The following XKR9 variants were observed in gnomAD, a reference collection of about 807,000 sequenced individuals.
XKR9 encodes the protein XK-related protein 9.
XKR9 carries 32 observed loss-of-function variants against 32.0 expected under a neutral mutation model. That is an observed-to-expected ratio of 1.00 (90% confidence interval 0.76 to 1.34). The LOEUF is 1.34. Ranked by LOEUF, XKR9 falls within the 40% of genes most tolerant of loss-of-function variation. The pLI is 0.00. For missense variants in XKR9, 546 were observed against 429.7 expected (o/e 1.27, Z -2.39); for synonymous variants, 168 against 143.4 (o/e 1.17, Z -1.22).
chr8:70,955,838 G>A, the XKR9 span, among the ~76,000 whole-genome samples: 36 of 152,340 alleles, frequency 2.4e-4, no homozygotes, highest in African/African-American at 8.7e-4. Flanking sequence ...CTATGGCAGG[G>A]CAGGCAGCTC....
chr8:71,056,144 G>GTTA, the XKR9 span, among the ~76,000 whole-genome samples: 1 of 152,104 alleles, frequency 6.6e-6, no homozygotes, highest in Non-Finnish European at 1.5e-5. Context: ...AGCCAATTTG[G>GTTA]AAGATTTTAA....
the XKR9 span, among the ~76,000 whole-genome samples, chr8:70,871,934 A>G: frequency 6.6e-6 from 1 of 152,108 alleles, no homozygotes; most frequent in African/African-American, 2.4e-5. Context: ...TTCCAAGATA[A>G]ATTTACAACT....
the XKR9 span, among the ~76,000 whole-genome samples, chr8:70,876,706 A>C: frequency 6.6e-6 from 1 of 152,168 alleles, no homozygotes; most frequent in Admixed American, 6.5e-5. Context: ...ATTTAGTAAA[A>C]ACCAAAAGAG....
the XKR9 span, among the ~76,000 whole-genome samples, chr8:70,852,878 CAGT>C: frequency 1.1e-4 from 17 of 151,984 alleles, no homozygotes; most frequent in African/African-American, 3.6e-4. Context: ...GGAGGGATAG[CAGT>C]AGGAGAAATT....
At chr8:71,058,653 T>A in the XKR9 span, among the ~76,000 whole-genome samples, 1 of 152,350 alleles carries the variant, frequency 6.6e-6, no homozygotes, top group African/African-American at 2.4e-5. Flanking sequence ...GACACTTGAC[T>A]TGGGCTATAG....
At chr8:70,679,320 T>C (rs1291656627) in intron 2 of XKR9, among the ~76,000 whole-genome samples, 2 of 152,228 alleles carry the variant, frequency 1.3e-5, no homozygotes, top group East Asian at 3.8e-4. Context: ...TAACATTTAC[T>C]GGGCCCTAAC....
At chr8:70,864,254 G>C in the XKR9 span, among the ~76,000 whole-genome samples, 1 of 151,998 alleles carries the variant, frequency 6.6e-6, no homozygotes, top group Non-Finnish European at 1.5e-5. Flanking sequence ...AGTTTAAAAG[G>C]AAAAAGGAAA....
chr8:70,901,027 A>T, the XKR9 span, among the ~76,000 whole-genome samples: 1 of 152,178 alleles, frequency 6.6e-6, no homozygotes, highest in Admixed American at 6.5e-5. Context: ...CATGGTATAT[A>T]TGTGCCACGT....
chr8:71,021,868 G>A, the XKR9 span, among the ~76,000 whole-genome samples: 3 of 152,110 alleles, frequency 2.0e-5, no homozygotes, highest in African/African-American at 4.8e-5. Flanking sequence ...TTTTATTTTT[G>A]TTACAATTGC....
chr8:70,902,622 T>A, the XKR9 span, among the ~76,000 whole-genome samples: 5 of 152,158 alleles, frequency 3.3e-5, no homozygotes, highest in African/African-American at 1.2e-4. Flanking sequence ...GAATACCCTT[T>A]GTTTCTTTCT....
the XKR9 span, among the ~76,000 whole-genome samples, chr8:71,044,357 G>C: frequency 2.6e-5 from 4 of 152,152 alleles, no homozygotes; most frequent in African/African-American, 9.7e-5. Context: ...GTGTCTGACG[G>C]AGGAGAAACA....
intron 2 of XKR9, among the ~76,000 whole-genome samples, chr8:70,789,073 A>G (rs559816728): frequency 2.2e-4 from 34 of 152,114 alleles, no homozygotes; most frequent in African/African-American, 8.2e-4. Context: ...AATTTACATC[A>G]CCAGTGATCT....
chr8:70,856,462 G>C, the XKR9 span, among the ~76,000 whole-genome samples: 99 of 152,220 alleles, frequency 6.5e-4, no homozygotes, highest in African/African-American at 2.3e-3. Flanking sequence ...GGAGCAACCA[G>C]ATTCATAAAG....
intron 3 of XKR9, among the ~76,000 whole-genome samples, chr8:70,684,823 A>G (rs1819206085): frequency 6.8e-6 from 1 of 147,738 alleles, no homozygotes; most frequent in African/African-American, 2.5e-5. Flanking sequence ...TAGAATGGCA[A>G]TCATTAAAAA....
chr8:70,788,867 G>A (rs966076375), intron 2 of XKR9, among the ~76,000 whole-genome samples: 2 of 151,932 alleles, frequency 1.3e-5, no homozygotes, highest in East Asian at 1.9e-4. Context: ...GAGTGTGTTG[G>A]GGCTATACAT....
intron 4 of XKR9, among the ~76,000 whole-genome samples, chr8:70,726,186 A>G (rs1469164495): frequency 6.6e-6 from 1 of 152,198 alleles, no homozygotes; most frequent in Non-Finnish European, 1.5e-5. Context: ...GAATGGTGAA[A>G]TCATTGATAC....
chr8:70,776,490 T>C (rs553769100), intron 2 of XKR9, among the ~76,000 whole-genome samples: 6 of 152,254 alleles, frequency 3.9e-5, no homozygotes, highest in African/African-American at 1.2e-4. Flanking sequence ...TTCTTATTTC[T>C]AATACAGATG....
At chr8:70,864,452 A>G in the XKR9 span, among the ~76,000 whole-genome samples, 1 of 152,164 alleles carries the variant, frequency 6.6e-6, no homozygotes, top group Non-Finnish European at 1.5e-5. Context: ...GAAATCTCAC[A>G]TTTTCCCTGC....
chr8:70,894,716 A>C, the XKR9 span, among the ~76,000 whole-genome samples: 1 of 152,158 alleles, frequency 6.6e-6, no homozygotes, highest in African/African-American at 2.4e-5. Context: ...TAGGTACTGG[A>C]AAGGCTGCTC....
Sources: gnomAD v4.1 joint callset for allele counts (sites outside exome capture counted in the v4.1 genomes callset) on GRCh38, gnomAD v4.1.1 for gene constraint, MANE v1.5 for transcripts, NCBI Gene and HGNC (gene_info 2026-07-23, HGNC 2026-07-21) for gene names.